PDCD6IP: variants seen among roughly 807,000 people sequenced by gnomAD.
PDCD6IP encodes the protein programmed cell death 6-interacting protein.
A neutral mutation model predicts 103.7 loss-of-function variants in PDCD6IP; 43 were observed. The observed-to-expected ratio is 0.41, with a 90% CI of 0.32 to 0.53. The LOEUF is 0.53. PDCD6IP is among the 20% of genes least tolerant of loss of function. The probability of loss-of-function intolerance (pLI) is 0.16; values close to 1 mark genes in which losing one functional copy is unlikely to be tolerated. For missense variants in PDCD6IP, 871 were observed against 1,036.7 expected (o/e 0.84, Z 2.20); for synonymous variants, 354 against 378.7 (o/e 0.93, Z 0.76).
At chr3:33,836,720 A>G (rs183128365) in intron 8 of PDCD6IP, among the ~76,000 whole-genome samples, 4 of 150,562 alleles carry the variant, frequency 2.7e-5, no homozygotes, top group African/African-American at 7.3e-5. Flanking sequence ...TTAACTGGGC[A>G]TGGTGGTGCA....
chr3:33,812,986 T>C (rs1040361051), intron 2 of PDCD6IP, among the ~76,000 whole-genome samples: 1 of 152,182 alleles, frequency 6.6e-6, no homozygotes, highest in African/African-American at 2.4e-5. Context: ...TCTTTGTATG[T>C]GATAATACAT....
intron 7 of PDCD6IP, among the ~76,000 whole-genome samples, chr3:33,835,673 G>T (rs972406031): frequency 6.6e-6 from 1 of 152,024 alleles, no homozygotes; most frequent in East Asian, 1.9e-4. Context: ...AGCCGAGATC[G>T]CGCCACTGTG....
intron 3 of PDCD6IP, among the ~76,000 whole-genome samples, chr3:33,814,693 T>TTATATA (rs748979599): frequency 6.8e-6 from 1 of 146,346 alleles, no homozygotes; most frequent in East Asian, 2.0e-4. Flanking sequence ...ATAATGTGTA[T>TTATATA]TATATATATG....
intron 8 of PDCD6IP, among the ~76,000 whole-genome samples, chr3:33,836,960 T>A (rs1033595157): frequency 2.0e-4 from 30 of 152,026 alleles, no homozygotes; most frequent in African/African-American, 6.5e-4. Flanking sequence ...TCGCTCTTGT[T>A]GCCCAGGCTG....
chr3:33,831,764 G>GCACA (rs60549910), intron 7 of PDCD6IP, among the ~76,000 whole-genome samples: 2,095 of 148,864 alleles, frequency 0.014, 48 homozygotes, highest in African/African-American at 0.047. Flanking sequence ...TACATAGACA[G>GCACA]CACACACACA....
intron 15 of PDCD6IP, among the ~76,000 whole-genome samples, chr3:33,858,969 G>C (rs2125450061): frequency 6.6e-6 from 1 of 152,150 alleles, no homozygotes; most frequent in Non-Finnish European, 1.5e-5. Flanking sequence ...AGTAGAAAAA[G>C]AAACAAGGTC....
At chr3:33,813,530 A>G (rs745726615) in intron 2 of PDCD6IP, 29 bp from the exon 3 acceptor site, 2 of 1,397,574 alleles carry the variant, frequency 1.4e-6, no homozygotes, top group Middle Eastern at 3.6e-4. Context: ...AAGGTTACCT[A>G]ATTTTCTGTT....
At chr3:33,865,795 T>C (rs958391467) in intron 17 of PDCD6IP, among the ~76,000 whole-genome samples, 1 of 152,224 alleles carries the variant, frequency 6.6e-6, no homozygotes, top group Non-Finnish European at 1.5e-5. Context: ...TTAGAATACT[T>C]GGCATTTAAT....
At chr3:33,818,964 T>C (rs940903338) in intron 3 of PDCD6IP, among the ~76,000 whole-genome samples, 1 of 152,206 alleles carries the variant, frequency 6.6e-6, no homozygotes, top group Admixed American at 6.5e-5. Flanking sequence ...CTTAATGGGA[T>C]TTCATTTTAT....
chr3:33,835,243 A>AT, intron 7 of PDCD6IP: 1 of 456,470 alleles, frequency 2.2e-6, no homozygotes, highest in African/African-American at 2.0e-5. Context: ...TTGTTGGATA[A>AT]TTTTTTTCAG....
rs2125562817 is a variant in PDCD6IP at position 33,836,182 on chromosome 3, G to T, written c.973G>T (p.Asp325Tyr). ...CTTCATTTATCATGATCGAGTTCCA[G>T]ACCTTAAAGATCTAGATCCTATTGG... ...NDFIYHDRVP[D>Y]LKDLDPIGKA... Residue 325 changes from aspartate to tyrosine, a missense_variant, in exon 8 of 18, where the codon GAC becomes TAC. By Grantham distance (160) the Asp-to-Tyr change is radical. This residue lies in a region of PDCD6IP where 242 missense variants were observed against 250.7 expected (regional missense o/e 0.97). Coordinates refer to ENST00000307296, the MANE Select transcript of PDCD6IP (RefSeq NM_013374.6). 4.3e-6 allele frequency: 7 copies of T among 1,613,396 alleles called. No individual in the cohort carries two copies. Among genetic ancestry groups the T allele is most frequent in the Non-Finnish European group, 5.9e-6 (7 of 1,179,376 alleles).
intron 7 of PDCD6IP, among the ~76,000 whole-genome samples, chr3:33,832,035 A>G (rs866893915): frequency 5.3e-5 from 8 of 152,234 alleles, no homozygotes; most frequent in Admixed American, 2.0e-4. Context: ...GTAAAAAATC[A>G]CGTACACAAG....
intron 4 of PDCD6IP, among the ~76,000 whole-genome samples, chr3:33,822,559 A>G (rs1263339242): frequency 1.3e-5 from 2 of 152,246 alleles, no homozygotes; most frequent in East Asian, 1.9e-4. Flanking sequence ...ATATTTAAAT[A>G]TGGTCAGACA....
intron 7 of PDCD6IP, among the ~76,000 whole-genome samples, chr3:33,829,314 A>G (rs1697196455): frequency 6.6e-6 from 1 of 152,114 alleles, no homozygotes; most frequent in Non-Finnish European, 1.5e-5. Context: ...TTCATGCAGA[A>G]TTTGCATTCA....
intron 3 of PDCD6IP, among the ~76,000 whole-genome samples, 167 bp downstream of exon 3, chr3:33,813,795 G>A (rs1416499120): frequency 2.0e-5 from 3 of 152,124 alleles, no homozygotes; most frequent in Non-Finnish European, 4.4e-5. Context: ...TATTTGTAGA[G>A]AGCCCATGCC....
intron 2 of PDCD6IP, 25 bp from the exon 3 acceptor site, chr3:33,813,534 T>A: frequency 2.1e-6 from 3 of 1,446,690 alleles, no homozygotes; most frequent in Non-Finnish European, 2.9e-6. Flanking sequence ...TTACCTAATT[T>A]TCTGTTTTCT....
At position 33,852,548 on chromosome 3, in the gene PDCD6IP, G is replaced by A. The variant is rs753237062; in HGVS notation, c.1702G>A (p.Gly568Ser). The change falls in exon 13 of 18, where the codon GGT (glycine) becomes AGT (serine). Residue 568 changes from glycine to serine, a missense_variant. Physicochemically the swap from Gly to Ser is moderately conservative, Grantham distance 56. Transcript: ENST00000307296. ...TGATGAAGTAAAGAAGGAAAGAGAG[G>A]GTCTGGAGAATGACTTGAAATCTGT... ...NLDEVKKEREGLENDLKSVNF... is the reference protein window; with the variant it reads ...NLDEVKKERESLENDLKSVNF... 1 of 1,567,964 alleles carries A rather than the reference G, an allele frequency of 6.4e-7. No individual in the cohort carries two copies. The highest frequency in any genetic ancestry group is 2.3e-5 in the East Asian group (1 of 44,286).
chr3:33,841,673 C>T (rs1454648990), intron 9 of PDCD6IP, among the ~76,000 whole-genome samples: 3 of 150,528 alleles, frequency 2.0e-5, no homozygotes, highest in East Asian at 2.0e-4. Context: ...CTCCTGACCT[C>T]GTGATCCTCC....
intron 3 of PDCD6IP, among the ~76,000 whole-genome samples, chr3:33,815,107 A>G (rs1241391359): frequency 1.3e-5 from 2 of 149,082 alleles, no homozygotes; most frequent in Non-Finnish European, 3.0e-5. Flanking sequence ...ACATGTATCT[A>G]TATATCTTAT....
Sources: gnomAD v4.1 joint callset for allele counts (sites outside exome capture counted in the v4.1 genomes callset) on GRCh38, gnomAD v4.1.1 for gene constraint, gnomAD v4.1.1 regional missense constraint, MANE v1.5 for transcripts, NCBI Gene and HGNC (gene_info 2026-07-23, HGNC 2026-07-21) for gene names.